The following DIAPH2 variants were observed in gnomAD, a reference collection of about 807,000 sequenced individuals.
DIAPH2 encodes diaphanous related formin 2.
In DIAPH2, 35 loss-of-function variants were observed where a neutral mutation model predicts 92.7. The observed-to-expected ratio is 0.38, with a 90% CI of 0.29 to 0.50. The LOEUF (loss-of-function observed/expected upper bound fraction) is 0.50. Among genes scored for constraint, DIAPH2 ranks in the 20% least tolerant of loss-of-function variants. The pLI is 0.94. For missense variants in DIAPH2, 701 were observed against 819.5 expected, an observed-to-expected ratio of 0.86 and a Z score of 1.77; for synonymous variants, 301 against 280.4, an observed-to-expected ratio of 1.07 and a Z score of -0.73.
At chrX:97,026,581 G>T (rs2066336648) in intron 17 of DIAPH2, among the ~76,000 whole-genome samples, 1 of 111,690 alleles carries the variant, frequency 9.0e-6, no homozygotes, top group South Asian at 3.7e-4. Context: ...CGTATTTCTG[G>T]ATTTCAAACT....
chrX:97,329,321 TGTAA>T (rs1209672546), intron 23 of DIAPH2, among the ~76,000 whole-genome samples: 1 of 112,229 alleles, frequency 8.9e-6, no homozygotes, highest in Non-Finnish European at 1.9e-5. Flanking sequence ...TTGTTTTACA[TGTAA>T]GTGAGTGAAA....
chrX:96,879,948 C>T (rs992823685), intron 4 of DIAPH2, among the ~76,000 whole-genome samples: 4 of 111,185 alleles, frequency 3.6e-5, no homozygotes, highest in Admixed American at 1.9e-4. Context: ...AGGCTGATTT[C>T]GAACCCCTGA....
chrX:96,813,793 G>A (rs919117865), intron 4 of DIAPH2, among the ~76,000 whole-genome samples: 1 of 111,485 alleles, frequency 9.0e-6, no homozygotes, highest in African/African-American at 3.3e-5. Flanking sequence ...AGCTTAGTTC[G>A]GCTGGATATG....
At chrX:97,502,346 G>A (rs750767306) in intron 26 of DIAPH2, among the ~76,000 whole-genome samples, 4 of 112,402 alleles carry the variant, frequency 3.6e-5, no homozygotes, top group Non-Finnish European at 7.5e-5. Context: ...ATTCTGTTTA[G>A]TAGAATAATA....
intron 19 of DIAPH2, among the ~76,000 whole-genome samples, chrX:97,093,401 G>T (rs368737993): frequency 9.0e-6 from 1 of 110,934 alleles, no homozygotes; most frequent in African/African-American, 3.3e-5. Context: ...AACTGTCTTC[G>T]GCCTGGAGTT....
At chrX:96,937,201 T>C in intron 10 of DIAPH2, 32 bp from the exon 11 acceptor site, 1 of 825,815 alleles carries the variant, frequency 1.2e-6, no homozygotes. Context: ...CAAACTGTTA[T>C]TCATGTGTTA....
intron 25 of DIAPH2, among the ~76,000 whole-genome samples, chrX:97,416,205 C>G (rs746420047): frequency 1.8e-5 from 2 of 112,144 alleles, no homozygotes; most frequent in East Asian, 2.8e-4. Context: ...CTTGTTACAT[C>G]AAATGTAAAT....
chrX:97,018,814 T>C (rs2066277571), intron 17 of DIAPH2, among the ~76,000 whole-genome samples: 2 of 111,713 alleles, frequency 1.8e-5, no homozygotes, highest in Non-Finnish European at 3.8e-5. Flanking sequence ...TGTTATATAG[T>C]TCTATGTGTT....
intron 17 of DIAPH2, among the ~76,000 whole-genome samples, chrX:96,975,858 A>G (rs1199812529): frequency 9.0e-6 from 1 of 111,420 alleles, no homozygotes; most frequent in East Asian, 2.8e-4. Flanking sequence ...CCCTCGTGAC[A>G]TAATCACTTC....
rs1225298852 is a variant in DIAPH2 at position 97,175,197 on chromosome X, C to T, written c.2719+33403C>T. ...CAACAGGTTTGAGGCTTCTGTTTTGCAAAAACCTTTTATAGCGTTATGGTC... is the reference window on the plus strand; with the variant it reads ...CAACAGGTTTGAGGCTTCTGTTTTGTAAAAACCTTTTATAGCGTTATGGTC... On this transcript the variant is annotated intron_variant, in intron 22 of 26. Transcript: ENST00000324765. Among the ~76,000 whole-genome samples the T allele has an allele frequency of 3.6e-5, 4 of 111,429 alleles. No homozygotes were observed. In the East Asian group the frequency reaches 8.4e-4, roughly 23 times the overall value.
At chrX:96,773,250 C>G (rs1255090125) in intron 4 of DIAPH2, among the ~76,000 whole-genome samples, 2 of 92,155 alleles carry the variant, frequency 2.2e-5, no homozygotes, top group Admixed American at 2.4e-4. Context: ...CCCCCCCTCC[C>G]GCCCTCCCCA....
intron 22 of DIAPH2, among the ~76,000 whole-genome samples, chrX:97,172,904 ACTCT>A (rs2067464568): frequency 9.0e-6 from 1 of 110,923 alleles, no homozygotes; most frequent in Non-Finnish European, 1.9e-5. Flanking sequence ...TTTTCTAGAA[ACTCT>A]CTGTCTCTGT....
chrX:97,238,856 G>A (rs1569337934), intron 22 of DIAPH2, among the ~76,000 whole-genome samples: 1 of 111,275 alleles, frequency 9.0e-6, no homozygotes, highest in Non-Finnish European at 1.9e-5. Context: ...TATGCTTTCC[G>A]GATGAGTCAC....
chrX:96,822,334 C>T (rs2064784042), intron 4 of DIAPH2, among the ~76,000 whole-genome samples: 1 of 111,490 alleles, frequency 9.0e-6, no homozygotes, highest in Admixed American at 9.6e-5. Flanking sequence ...TTCTTCCTTC[C>T]CTTCCTAGTA....
At chrX:97,215,187 AG>A (rs2067873840) in intron 22 of DIAPH2, among the ~76,000 whole-genome samples, 1 of 111,756 alleles carries the variant, frequency 8.9e-6, no homozygotes, top group African/African-American at 3.2e-5. Flanking sequence ...GAGAGACAGT[AG>A]CCTACTGGTC....
rs145962233 is a variant in DIAPH2, at chrX:97,378,722, G to A, written c.3010-5187G>A. ...GGAGACCCTGACTCTAAAAAAAATT[G>A]TGGAATTTCCCCTATTTTGTTGAGT... On this transcript the variant is annotated intron_variant, in intron 24 of 26. Transcript: ENST00000324765. 5.5e-3 allele frequency among the ~76,000 whole-genome samples: 614 copies of A among 111,421 alleles called. 2 individuals are homozygous for A. Among genetic ancestry groups the A allele is most frequent in the African/African-American group, 0.019 (581 of 30,675 alleles).
intron 17 of DIAPH2, among the ~76,000 whole-genome samples, chrX:97,029,865 T>C: frequency 9.0e-6 from 1 of 111,631 alleles, no homozygotes; most frequent in Non-Finnish European, 1.9e-5. Flanking sequence ...GTTTTGAAAT[T>C]GGCAGGTGTG....
At chrX:97,335,957 A>G (rs1458903231) in intron 23 of DIAPH2, among the ~76,000 whole-genome samples, 1 of 111,395 alleles carries the variant, frequency 9.0e-6, no homozygotes, top group Non-Finnish European at 1.9e-5. Context: ...TACCTCAGGA[A>G]CCATCTCCTT....
chrX:97,193,667 T>G (rs1037840843), intron 22 of DIAPH2, among the ~76,000 whole-genome samples: 3 of 111,968 alleles, frequency 2.7e-5, no homozygotes, highest in Non-Finnish European at 5.6e-5. Context: ...TGCTGACAAG[T>G]TGAATGGAAA....
Sources: allele counts gnomAD v4.1 joint callset (sites outside exome capture counted in the v4.1 genomes callset), GRCh38; gene constraint gnomAD v4.1.1; transcripts MANE v1.5; gene names NCBI Gene and HGNC (gene_info 2026-07-23, HGNC 2026-07-21).